Variants in MRPS35 observed in about 807,000 individuals in gnomAD.
MRPS35 encodes the protein mitochondrial ribosomal protein S35.
In MRPS35, 29 loss-of-function variants were observed where a neutral mutation model predicts 32.7. The ratio of observed to expected loss-of-function variants is 0.89; its 90% CI spans 0.66 to 1.21. MRPS35 has a LOEUF of 1.21. MRPS35 is among the 50% of genes most tolerant of loss of function. The pLI is 0.00. For synonymous variants in MRPS35, 148 were observed against 139.3 expected (o/e 1.06, Z -0.44); for missense variants, 373 against 383.8 (o/e 0.97, Z 0.23).
chr12:27,726,386 C>G (rs1442907729), intron 5 of MRPS35, among the ~76,000 whole-genome samples: 1 of 152,018 alleles, frequency 6.6e-6, no homozygotes, highest in African/African-American at 2.4e-5. Flanking sequence ...TTTTATTTAT[C>G]CATTCATTAA....
intron 7 of MRPS35, among the ~76,000 whole-genome samples, chr12:27,745,160 C>CT (rs942462606): frequency 9.9e-5 from 15 of 152,078 alleles, no homozygotes; most frequent in African/African-American, 2.2e-4. Context: ...TGTCTTTTTT[C>CT]TTTTTTTTAA....
At chr12:27,743,970 T>C (rs543706235) in intron 7 of MRPS35, among the ~76,000 whole-genome samples, 37 of 152,368 alleles carry the variant, frequency 2.4e-4, no homozygotes, top group African/African-American at 8.7e-4. Context: ...ACATTTGGTC[T>C]GTAGCACGGG....
At position 27,716,386 on chromosome 12, in the gene MRPS35, T is replaced by G. The variant is rs2061851075; in HGVS notation, c.249T>G (p.Leu83=). ...AAPFKPSAVP[L]PVRMGYPVKK... is the part of the protein sequence containing the mutation. ...CATTTAAACCCTCTGCAGTACCTCT[T>G]CCTGTTCGAATGGGTTATCCAGTAA... The change falls in exon 3 of 8, where the codon CTT becomes CTG. Residue 83 remains leucine, a synonymous_variant. Transcript: ENST00000081029. 6.2e-7 allele frequency: 1 copy of G among 1,614,198 alleles called. No homozygotes were observed. Among genetic ancestry groups the G allele is most frequent in the Admixed American group, 1.7e-5 (1 of 60,020 alleles).
Position 27,755,617 on chromosome 12 carries a change from T to A in MRPS35, c.*167T>A, listed in dbSNP as rs556139214. On this transcript the variant is annotated 3_prime_UTR_variant, in exon 8 of 8. Coordinates refer to ENST00000081029, the MANE Select transcript of MRPS35 (RefSeq NM_021821.4). The stretch of plus-strand genomic sequence containing the variant: ...TGGCAATGATTACTCCAGAGTTTTT[T>A]AATTTTTACACTGGGGCAATAGACT... 1.7e-5 allele frequency: 9 copies of A among 540,084 alleles called. 1 individual carries two copies. The South Asian group carries it at 2.2e-4, about 13-fold the overall frequency. 33.5% of individuals were successfully genotyped at this position (540,084 alleles called of 1,614,324 possible).
At chr12:27,713,799 C>T (rs1360021541) in intron 1 of MRPS35, among the ~76,000 whole-genome samples, 4 of 152,066 alleles carry the variant, frequency 2.6e-5, no homozygotes, top group Non-Finnish European at 4.4e-5. Flanking sequence ...ACAAAGTTAA[C>T]TATCATGGCT....
In MRPS35 at chr12:27,719,539, G is replaced by A. The variant is rs1484512553; in HGVS notation, c.322-269G>A. On this transcript the variant is annotated intron_variant, in intron 3 of 7. Coordinates refer to ENST00000081029, the MANE Select transcript of MRPS35 (RefSeq NM_021821.4). The stretch of plus-strand genomic sequence containing the variant: ...AAATTAGCCGGGCGTGGTGGCGGGC[G>A]CCTGTAGTCCCAGCTACTCGGGAGG... Among the ~76,000 whole-genome samples, 5 of 151,752 alleles carry A rather than the reference G, an allele frequency of 3.3e-5. No individual in the cohort carries two copies. The East Asian group carries it at 7.7e-4, about 24-fold the overall frequency.
chr12:27,750,859 T>C (rs1044069469), intron 7 of MRPS35, among the ~76,000 whole-genome samples: 3 of 151,484 alleles, frequency 2.0e-5, no homozygotes, highest in Non-Finnish European at 4.4e-5. Flanking sequence ...TCCCAGCACT[T>C]TGGGAGGCCG....
intron 7 of MRPS35, among the ~76,000 whole-genome samples, chr12:27,745,000 G>C (rs1047317113): frequency 2.0e-5 from 3 of 152,112 alleles, no homozygotes; most frequent in African/African-American, 7.2e-5. Context: ...CTTTCGCCCA[G>C]ACTGGAGTGC....
chr12:27,745,160 C>T (rs2061977820), intron 7 of MRPS35, among the ~76,000 whole-genome samples: 1 of 151,962 alleles, frequency 6.6e-6, no homozygotes, highest in Admixed American at 6.6e-5. Context: ...TGTCTTTTTT[C>T]TTTTTTTTAA....
chr12:27,710,988 G>A (rs550464637), intron 1 of MRPS35, 33 bp downstream of exon 1: 1 of 1,590,980 alleles, frequency 6.3e-7, no homozygotes, highest in Non-Finnish European at 8.6e-7. Context: ...CTGGGCTTTG[G>A]GGGAGGTGCA....
intron 7 of MRPS35, among the ~76,000 whole-genome samples, chr12:27,739,980 A>G (rs2061957677): frequency 6.6e-6 from 1 of 152,248 alleles, no homozygotes; most frequent in Admixed American, 6.5e-5. Flanking sequence ...CCAAACAAGT[A>G]TACTTGAAGA....
chr12:27,743,314 G>A (rs2061970910), intron 7 of MRPS35, among the ~76,000 whole-genome samples: 1 of 151,880 alleles, frequency 6.6e-6, no homozygotes, highest in African/African-American at 2.4e-5. Context: ...GATCACCTGA[G>A]GTCAGGAGTT....
At chr12:27,739,527 T>G (rs2061955458) in intron 7 of MRPS35, among the ~76,000 whole-genome samples, 1 of 152,258 alleles carries the variant, frequency 6.6e-6, no homozygotes, top group Non-Finnish European at 1.5e-5. Context: ...GGTAAGCTCT[T>G]CTCTTCTTTA....
intron 7 of MRPS35, among the ~76,000 whole-genome samples, chr12:27,742,957 C>A (rs1192419664): frequency 1.3e-5 from 2 of 152,004 alleles, no homozygotes; most frequent in East Asian, 3.9e-4. Flanking sequence ...ACCTCCCAGG[C>A]TCAGACGATC....
At chr12:27,729,586 G>A (rs1174364127) in intron 5 of MRPS35, among the ~76,000 whole-genome samples, 1 of 151,992 alleles carries the variant, frequency 6.6e-6, no homozygotes, top group Non-Finnish European at 1.5e-5. Flanking sequence ...TGTTAATGGT[G>A]TATCCTATTC....
At chr12:27,726,916 T>G (rs571377587) in intron 5 of MRPS35, among the ~76,000 whole-genome samples, 1 of 152,090 alleles carries the variant, frequency 6.6e-6, no homozygotes, top group South Asian at 2.1e-4. Flanking sequence ...TGTAAACATT[T>G]TCTTCCATTC....
chr12:27,736,154 A>T lies in MRPS35; in HGVS notation c.632+598A>T, dbSNP rs74419618. On this transcript the variant is annotated intron_variant, in intron 6 of 7. Coordinates refer to ENST00000081029, the MANE Select transcript of MRPS35 (RefSeq NM_021821.4). ...CTGTTTCCAAATTATGTCAAAATATAAAAAGACCCACTTTTAGAGATAAGT... is the reference window on the plus strand; with the variant it reads ...CTGTTTCCAAATTATGTCAAAATATTAAAAGACCCACTTTTAGAGATAAGT... Among the ~76,000 whole-genome samples the T allele has an allele frequency of 9.8e-3, 1,495 of 152,360 alleles. 25 individuals are homozygous for T. Among genetic ancestry groups the T allele is most frequent in the African/African-American group, 0.033 (1,377 of 41,582 alleles).
chr12:27,717,295 A>T (rs1017425185), intron 3 of MRPS35, among the ~76,000 whole-genome samples: 2 of 152,146 alleles, frequency 1.3e-5, no homozygotes, highest in Non-Finnish European at 1.5e-5. Flanking sequence ...AGGAATTTAA[A>T]TTTTTTCTGT....
At chr12:27,733,743 C>T (rs2061931559) in intron 5 of MRPS35, among the ~76,000 whole-genome samples, 1 of 152,064 alleles carries the variant, frequency 6.6e-6, no homozygotes, top group African/African-American at 2.4e-5. Flanking sequence ...CATTCTCTTT[C>T]CAGAAAACTG....
Sources: gnomAD v4.1 joint callset for allele counts (sites outside exome capture counted in the v4.1 genomes callset) on GRCh38, gnomAD v4.1.1 for gene constraint, MANE v1.5 for transcripts, NCBI Gene and HGNC (gene_info 2026-07-23, HGNC 2026-07-21) for gene names.